The following POM121 variants were observed in gnomAD, a reference collection of about 807,000 sequenced individuals.
POM121 encodes the protein nuclear envelope pore membrane protein POM 121.
In POM121, 32 loss-of-function variants were observed where a neutral mutation model predicts 81.3. The observed-to-expected ratio is 0.39, with a 90% CI of 0.30 to 0.53. The LOEUF is 0.53. Among genes scored for constraint, POM121 ranks in the 20% least tolerant of loss-of-function variants. POM121 has a pLI of 0.66. For synonymous variants in POM121, 514 were observed against 694.2 expected, an observed-to-expected ratio of 0.74 and a Z score of 4.08; for missense variants, 1,138 against 1,614.6, an observed-to-expected ratio of 0.70 and a Z score of 5.06.
chr7:72,950,108 G>A, downstream of POM121: 2 of 1,595,768 alleles, frequency 1.3e-6, no homozygotes, highest in Non-Finnish European at 1.7e-6. Context: ...TGTTCATGCA[G>A]ATCTGTCTGG....
chr7:72,920,129 G>A (rs1309602720), upstream of POM121, among the ~76,000 whole-genome samples: 2 of 151,964 alleles, frequency 1.3e-5, no homozygotes, highest in African/African-American at 4.8e-5. Context: ...ATTTTTCTAT[G>A]TCTCAGCTTT....
chr7:72,927,799 A>T (rs782374075), intron 3 of POM121, among the ~76,000 whole-genome samples: 42 of 152,344 alleles, frequency 2.8e-4, no homozygotes, highest in Non-Finnish European at 4.3e-4. Context: ...AGGAAGTTGA[A>T]GTGGCTGAGC....
chr7:72,941,781 A>G, intron 10 of POM121, 56 bp from the exon 11 acceptor site: 2 of 1,564,470 alleles, frequency 1.3e-6, no homozygotes, highest in South Asian at 1.2e-5. Flanking sequence ...GAAATACTGA[A>G]TACCATCATC....
chr7:72,918,356 C>T (rs1467406039), intron 4 of POM121, among the ~76,000 whole-genome samples: 3 of 152,270 alleles, frequency 2.0e-5, no homozygotes, highest in East Asian at 3.9e-4. Context: ...CAGATGCTGG[C>T]GTCACTGCTA....
At chr7:72,906,716 G>T (rs1377161968) in intron 3 of POM121, among the ~76,000 whole-genome samples, 1 of 152,076 alleles carries the variant, frequency 6.6e-6, no homozygotes, top group African/African-American at 2.4e-5. Context: ...TTGACCTCCT[G>T]GGCTTGAGTG....
rs1797751343 is a variant in POM121 at position 72,947,178 on chromosome 7, C to CTT, written c.*945_*946dup. 1 of 264,194 alleles carries CTT rather than the reference C, an allele frequency of 3.8e-6. No individual in the cohort carries two copies. The highest frequency in any genetic ancestry group is 1.8e-4 in the South Asian group (1 of 5,706). 16.4% of individuals were successfully genotyped at this position (264,194 alleles called of 1,614,324 possible). A position where few individuals can be genotyped will look rare whatever the true frequency, so the allele number is the denominator to read the frequency against. Reference sequence around the variant, plus strand: ...GTGGCGGCATGTTGGTAGTGCCGGACTTCCTGTTTCAAGTTTTCTGGGGCC... The same window carrying CTT: ...GTGGCGGCATGTTGGTAGTGCCGGACTTTTCCTGTTTCAAGTTTTCTGGGGCC... On this transcript the variant is annotated 3_prime_UTR_variant, in exon 13 of 13. Transcript: ENST00000434423.
chr7:72,908,681 C>G (rs536637178), intron 3 of POM121, among the ~76,000 whole-genome samples: 32 of 152,274 alleles, frequency 2.1e-4, no homozygotes, highest in Admixed American at 2.0e-4. Context: ...TTTTAGAGCC[C>G]TCCCCCTAGG....
chr7:72,917,330 A>G (rs568704352), intron 4 of POM121, among the ~76,000 whole-genome samples: 9 of 152,210 alleles, frequency 5.9e-5, no homozygotes, highest in Non-Finnish European at 1.2e-4. Context: ...TTTCTTCAGC[A>G]CTTAGCTGGG....
intron 1 of POM121, among the ~76,000 whole-genome samples, chr7:72,884,520 ATATATATTTGATAG>A (rs1790496921): frequency 3.0e-5 from 3 of 98,890 alleles, no homozygotes; most frequent in Non-Finnish European, 6.1e-5. Context: ...TATACATATA[ATATATATTTGATAG>A]CAAATATATA....
intron 11 of POM121, among the ~76,000 whole-genome samples, chr7:72,945,061 C>T (rs534780709): frequency 8.4e-4 from 128 of 151,894 alleles, no homozygotes; most frequent in South Asian, 1.2e-3. Flanking sequence ...TTGTCCGGGC[C>T]GGAGGCCAAG....
At chr7:72,920,995 A>T (rs1794770009), upstream of POM121, among the ~76,000 whole-genome samples, 1 of 152,082 alleles carries the variant, frequency 6.6e-6, no homozygotes, top group Non-Finnish European at 1.5e-5. Context: ...AGCCTGGCCA[A>T]CATGGTGAAA....
intron 4 of POM121, among the ~76,000 whole-genome samples, chr7:72,918,265 G>A (rs1261705518): frequency 1.3e-5 from 2 of 151,984 alleles, no homozygotes; most frequent in Admixed American, 6.5e-5. Context: ...TCCCTTTCCC[G>A]GTCTGCTAAG....
intron 3 of POM121, among the ~76,000 whole-genome samples, chr7:72,895,866 G>A (rs1449661664): frequency 4.0e-5 from 6 of 151,654 alleles, no homozygotes; most frequent in Admixed American, 6.6e-5. Context: ...CTGAGATCGC[G>A]CCACTATACT....
intron 3 of POM121, among the ~76,000 whole-genome samples, chr7:72,892,182 C>T (rs1219225703): frequency 1.3e-5 from 2 of 152,194 alleles, no homozygotes; most frequent in Non-Finnish European, 1.5e-5. Context: ...CTTTGTATCC[C>T]GTAAAAGAGT....
chr7:72,894,759 A>G (rs1240018281), intron 3 of POM121, among the ~76,000 whole-genome samples: 1 of 151,770 alleles, frequency 6.6e-6, no homozygotes, highest in African/African-American at 2.4e-5. Flanking sequence ...CCTGGACTCA[A>G]GAGATCCTCC....
At chr7:72,931,816 C>T (rs1302329434) in intron 5 of POM121, among the ~76,000 whole-genome samples, 1 of 152,158 alleles carries the variant, frequency 6.6e-6, no homozygotes, top group Non-Finnish European at 1.5e-5. Flanking sequence ...GGTGATCCAC[C>T]CACCTTGGCC....
intron 3 of POM121, among the ~76,000 whole-genome samples, chr7:72,898,618 G>A (rs1480575148): frequency 6.6e-6 from 1 of 152,014 alleles, no homozygotes; most frequent in Non-Finnish European, 1.5e-5. Context: ...CCAACATGGC[G>A]AAATCCTGTC....
downstream of POM121, chr7:72,950,293 A>G: frequency 1.9e-6 from 2 of 1,048,886 alleles, no homozygotes; most frequent in Non-Finnish European, 2.7e-6. Flanking sequence ...TACCACAGCT[A>G]TGGAGAAATC....
Position 72,943,179 on chromosome 7 carries a change from T to A in POM121, c.3186T>A (p.Ala1062=). ...SSQPAFGGST[A]VFFGAATSSG... is the part of the protein sequence containing the mutation. ...AGCCCGCCTTTGGCGGCTCCACTGC[T>A]GTCTTCTTCGGTGCAGCCACCAGCT... The change falls in exon 11 of 13, where the codon GCT becomes GCA. Residue 1062 remains alanine, a synonymous_variant. Coordinates refer to ENST00000434423, the MANE Select transcript of POM121 (RefSeq NM_001387691.1). The A allele has an allele frequency of 6.2e-7, 1 of 1,613,382 alleles. No individual in the cohort carries two copies. Among genetic ancestry groups the A allele is most frequent in the Non-Finnish European group, 8.5e-7 (1 of 1,179,808 alleles).
Sources: allele counts gnomAD v4.1 joint callset (sites outside exome capture counted in the v4.1 genomes callset), GRCh38; gene constraint gnomAD v4.1.1; transcripts MANE v1.5; gene names NCBI Gene and HGNC (gene_info 2026-07-23, HGNC 2026-07-21).